DOCK7: variants seen among roughly 807,000 people sequenced by gnomAD.
DOCK7 encodes dedicator of cytokinesis protein 7.
DOCK7 carries 138 observed loss-of-function variants against 271.0 expected under a neutral mutation model. That is an observed-to-expected ratio of 0.51 (90% confidence interval 0.44 to 0.59). The LOEUF is 0.59. DOCK7 is among the 20% of genes least tolerant of loss of function. The pLI is 0.00. For missense variants in DOCK7, 2,066 were observed against 2,592.4 expected, an observed-to-expected ratio of 0.80 and a Z score of 4.41; for synonymous variants, 823 against 876.1, an observed-to-expected ratio of 0.94 and a Z score of 1.07.
At position 62,616,144 on chromosome 1, in the gene DOCK7, T is replaced by C. The variant is rs143478613; in HGVS notation, c.1682+2562A>G. Among the ~76,000 whole-genome samples, 764 of 151,950 alleles carry C rather than the reference T, an allele frequency of 5.0e-3. 3 individuals are homozygous for C. The highest frequency in any genetic ancestry group is 0.017 in the African/African-American group (720 of 41,564). ...TAAATCATTTGATGTATGAACTTTTTATCTCCTCCAGAAGAGGATGTTACA... is the reference window on the plus strand; with the variant it reads ...TAAATCATTTGATGTATGAACTTTTCATCTCCTCCAGAAGAGGATGTTACA... On this transcript the variant is annotated intron_variant, in intron 14 of 49. Coordinates refer to ENST00000635253, the MANE Select transcript of DOCK7 (RefSeq NM_001367561.1).
chr1:62,527,425 T>G (rs551664594), intron 31 of DOCK7, among the ~76,000 whole-genome samples: 2 of 152,240 alleles, frequency 1.3e-5, no homozygotes, highest in South Asian at 4.2e-4. Context: ...GTATGTTTAT[T>G]GTGGCACTAT....
Position 62,470,892 on chromosome 1 carries a change from T to C in DOCK7, c.6212+3090A>G, listed in dbSNP as rs181770686. On this transcript the variant is annotated intron_variant, in intron 48 of 49. Transcript: ENST00000635253. ...AAAAATTATGATGTCTGTAAAGTTA[T>C]ACTGAGTGTGCTTGCCCCTTCTGCC... Among the ~76,000 whole-genome samples the C allele has an allele frequency of 4.3e-4, 66 of 152,186 alleles. No individual in the cohort carries two copies. The East Asian group carries it at 9.9e-3, about 23-fold the overall frequency.
intron 40 of DOCK7, 115 bp from the exon 41 acceptor site, chr1:62,492,962 G>C (rs1646508567): frequency 5.9e-6 from 5 of 841,952 alleles, no homozygotes; most frequent in Non-Finnish European, 9.0e-6. Flanking sequence ...AAAAAAAGGA[G>C]AGTGATATAA....
intron 34 of DOCK7, among the ~76,000 whole-genome samples, chr1:62,509,976 A>G (rs552109213): frequency 1.3e-5 from 2 of 152,178 alleles, no homozygotes; most frequent in African/African-American, 2.4e-5. Context: ...TCAAAGTTTT[A>G]TGGGCCAGTG....
At chr1:62,624,400 G>T (rs1399350216) in intron 12 of DOCK7, among the ~76,000 whole-genome samples, 1 of 152,032 alleles carries the variant, frequency 6.6e-6, no homozygotes, top group Non-Finnish European at 1.5e-5. Flanking sequence ...GAAAAATACA[G>T]ATTTGACTCA....
intron 14 of DOCK7, among the ~76,000 whole-genome samples, chr1:62,600,720 T>C (rs1250747929): frequency 6.6e-6 from 1 of 151,736 alleles, no homozygotes. Flanking sequence ...GACCTAAAAC[T>C]GAAAATTATT....
chr1:62,565,983 T>C (rs1646501730), intron 18 of DOCK7, among the ~76,000 whole-genome samples: 1 of 152,062 alleles, frequency 6.6e-6, no homozygotes, highest in Non-Finnish European at 1.5e-5. Context: ...TACCCAGGAA[T>C]ACAATTTACA....
intron 37 of DOCK7, among the ~76,000 whole-genome samples, chr1:62,502,636 G>A (rs750417927): frequency 5.3e-4 from 81 of 152,150 alleles, no homozygotes; most frequent in Non-Finnish European, 1.0e-3. Flanking sequence ...AGAGTACTAG[G>A]GGTATTACAT....
chr1:62,640,398 T>C (rs771696012), intron 7 of DOCK7, among the ~76,000 whole-genome samples: 8 of 152,126 alleles, frequency 5.3e-5, no homozygotes, highest in Non-Finnish European at 1.0e-4. Context: ...GGCAGGCGCC[T>C]GTAGTCCCAG....
intron 48 of DOCK7, among the ~76,000 whole-genome samples, chr1:62,468,316 G>A (rs554481377): frequency 1.2e-4 from 18 of 146,324 alleles, no homozygotes; most frequent in South Asian, 6.5e-4. Context: ...AGCCAAGATC[G>A]CGCCATTGCA....
intron 33 of DOCK7, among the ~76,000 whole-genome samples, chr1:62,512,613 T>A (rs1158910002): frequency 6.6e-6 from 1 of 151,358 alleles, no homozygotes; most frequent in Non-Finnish European, 1.5e-5. Context: ...ATTTTGCAAA[T>A]AAAGAGTAAA....
At chr1:62,471,832 T>C (rs1041957561) in intron 48 of DOCK7, among the ~76,000 whole-genome samples, 3 of 152,174 alleles carry the variant, frequency 2.0e-5, no homozygotes, top group African/African-American at 7.2e-5. Flanking sequence ...TAAACTCTAA[T>C]TGAAAAATAA....
intron 22 of DOCK7, among the ~76,000 whole-genome samples, chr1:62,550,185 T>A (rs189308256): frequency 1.1e-4 from 17 of 152,236 alleles, no homozygotes; most frequent in Admixed American, 1.1e-3. Flanking sequence ...GAGAAACTGA[T>A]GATGTGGAAG....
chr1:62,475,614 G>A, intron 46 of DOCK7, 93 bp downstream of exon 46: 1 of 1,233,942 alleles, frequency 8.1e-7, no homozygotes, highest in Non-Finnish European at 1.2e-6. Flanking sequence ...ATGGTATAAG[G>A]GATGGTACAT....
intron 1 of DOCK7, among the ~76,000 whole-genome samples, chr1:62,666,410 T>A (rs899342297): frequency 1.3e-5 from 2 of 152,130 alleles, no homozygotes; most frequent in Admixed American, 1.3e-4. Flanking sequence ...TACATGACAT[T>A]AATTTCCCCC....
intron 33 of DOCK7, among the ~76,000 whole-genome samples, chr1:62,511,746 T>C (rs771024829): frequency 2.4e-4 from 37 of 151,992 alleles, no homozygotes; most frequent in Non-Finnish European, 4.7e-4. Flanking sequence ...TCCATGTCTT[T>C]AGGAAATTTA....
At chr1:62,662,298 G>C (rs763417012) in intron 2 of DOCK7, among the ~76,000 whole-genome samples, 1 of 151,998 alleles carries the variant, frequency 6.6e-6, no homozygotes, top group Non-Finnish European at 1.5e-5. Flanking sequence ...TCTTTAATAA[G>C]AGAACATTTA....
intron 15 of DOCK7, among the ~76,000 whole-genome samples, chr1:62,583,673 AATATAAATTATATATG>A (rs1296022921): frequency 1.3e-5 from 2 of 152,180 alleles, no homozygotes; most frequent in Non-Finnish European, 2.9e-5. Context: ...CTGAAAGTCA[AATATAAATTATATATG>A]ATATCAGAAA....
chr1:62,552,260 C>T (rs996692733), intron 22 of DOCK7, among the ~76,000 whole-genome samples: 3 of 152,136 alleles, frequency 2.0e-5, no homozygotes, highest in African/African-American at 7.2e-5. Context: ...CCATAGTACT[C>T]AGGTTACTCT....
Sources: gnomAD v4.1 joint callset for allele counts (sites outside exome capture counted in the v4.1 genomes callset) on GRCh38, gnomAD v4.1.1 for gene constraint, MANE v1.5 for transcripts, NCBI Gene and HGNC (gene_info 2026-07-23, HGNC 2026-07-21) for gene names.